Variants in CUX1 observed in about 807,000 individuals in gnomAD.
CUX1 encodes the protein protein CASP.
CUX1 carries 31 observed loss-of-function variants against 158.8 expected under a neutral mutation model. The ratio of observed to expected loss-of-function variants is 0.20; its 90% CI spans 0.15 to 0.26. The LOEUF is 0.26. Ranked by LOEUF, CUX1 falls within the 10% of genes least tolerant of loss-of-function variation. CUX1 has a pLI of 1.00. For synonymous variants in CUX1, 879 were observed against 862.1 expected, an observed-to-expected ratio of 1.02 and a Z score of -0.34; for missense variants, 1,589 against 2,014.6, an observed-to-expected ratio of 0.79 and a Z score of 4.04.
At chr7:102,186,144 A>G (rs1793597307) in intron 11 of CUX1, among the ~76,000 whole-genome samples, 1 of 152,150 alleles carries the variant, frequency 6.6e-6, no homozygotes, top group Non-Finnish European at 1.5e-5. Flanking sequence ...CACTGAGGAC[A>G]GTTAGTCTTT....
At chr7:102,074,915 A>G (rs1472286252) in intron 4 of CUX1, among the ~76,000 whole-genome samples, 6 of 152,132 alleles carry the variant, frequency 3.9e-5, no homozygotes, top group Non-Finnish European at 7.4e-5. Context: ...CTCAAGTGCA[A>G]TGGTGTGATC....
chr7:101,877,641 C>G (rs1279245280), intron 1 of CUX1, among the ~76,000 whole-genome samples: 1 of 152,082 alleles, frequency 6.6e-6, no homozygotes, highest in African/African-American at 2.4e-5. Context: ...GAGCCGAGAC[C>G]GTCCCACTGC....
chr7:101,978,656 C>T (rs779591046), intron 2 of CUX1, among the ~76,000 whole-genome samples: 2 of 152,260 alleles, frequency 1.3e-5, no homozygotes, highest in Admixed American at 6.5e-5. Context: ...TGTGACCCCA[C>T]GTCGCCCTCA....
chr7:102,225,256 T>C (rs1431977595), intron 20 of CUX1, among the ~76,000 whole-genome samples: 2 of 152,238 alleles, frequency 1.3e-5, no homozygotes, highest in Non-Finnish European at 2.9e-5. Flanking sequence ...CCTTATGCGA[T>C]GGCGGAAGTT....
intron 2 of CUX1, among the ~76,000 whole-genome samples, chr7:101,951,547 C>T (rs1377476308): frequency 6.6e-6 from 1 of 151,920 alleles, no homozygotes; most frequent in Non-Finnish European, 1.5e-5. Context: ...GCTCTGTTGC[C>T]CAGGCTGGAG....
At chr7:102,173,275 G>A (rs375032533) in intron 10 of CUX1, among the ~76,000 whole-genome samples, 1 of 152,174 alleles carries the variant, frequency 6.6e-6, no homozygotes, top group Non-Finnish European at 1.5e-5. Flanking sequence ...TAGGAGAATC[G>A]CTTGAACCTG....
chr7:101,986,055 G>T (rs1318651107), intron 2 of CUX1, among the ~76,000 whole-genome samples: 1 of 152,214 alleles, frequency 6.6e-6, no homozygotes, highest in East Asian at 1.9e-4. Flanking sequence ...CCCCAGATCT[G>T]TCTGTCAGAA....
intron 1 of CUX1, among the ~76,000 whole-genome samples, chr7:101,906,258 T>C (rs1802739206): frequency 6.6e-6 from 1 of 151,956 alleles, no homozygotes; most frequent in South Asian, 2.1e-4. Context: ...GCACCAACCC[T>C]GTGCCCAGAC....
Position 101,963,136 on chromosome 7 carries a change from C to T in CUX1, c.141+46911C>T, listed in dbSNP as rs569627331. ...ATGCCACCTCTGATGCCACTTGTCACCTTTCTCTAAACCACCCCCTTCTCT... is the reference window on the plus strand; with the variant it reads ...ATGCCACCTCTGATGCCACTTGTCATCTTTCTCTAAACCACCCCCTTCTCT... On this transcript the variant is annotated intron_variant, in intron 2 of 23. Transcript: ENST00000292535. Among the ~76,000 whole-genome samples, 205 of 152,288 alleles carry T rather than the reference C, an allele frequency of 1.3e-3. 1 individual carries two copies. Among genetic ancestry groups the T allele is most frequent in the African/African-American group, 4.7e-3 (194 of 41,560 alleles).
chr7:102,254,757 G>A lies in CUX1; in HGVS notation c.*5715G>A, dbSNP rs11771127. ...GCAGGGCTTGTGCCCTGAGTGGCGA[G>A]GTGGTGACCTGAGGCCAGTGTGATG... is the stretch of plus-strand genomic sequence containing the variant. On this transcript the variant is annotated 3_prime_UTR_variant, in exon 24 of 24. Coordinates refer to ENST00000292535, the MANE Select transcript of CUX1 (RefSeq NM_181552.4). 17 of 985,350 alleles carry A rather than the reference G, an allele frequency of 1.7e-5. No individual in the cohort carries two copies. The highest frequency in any genetic ancestry group is 2.0e-5 in the Non-Finnish European group (17 of 829,970). The allele number at this position is 985,350 out of a possible 1,614,324, so 61.0% of individuals were successfully genotyped here.
At chr7:102,114,362 A>C (rs1554491182) in intron 7 of CUX1, among the ~76,000 whole-genome samples, 1 of 152,124 alleles carries the variant, frequency 6.6e-6, no homozygotes, top group Non-Finnish European at 1.5e-5. Flanking sequence ...TGCAACCTGC[A>C]TCTCCAGGGT....
intron 8 of CUX1, chr7:102,125,801 G>A (rs569507900): frequency 6.6e-6 from 1 of 150,756 alleles, no homozygotes; most frequent in African/African-American, 2.4e-5. Flanking sequence ...GTCTCAGCCA[G>A]TCCTGCTGTT....
rs368235304 is a variant in CUX1, at chr7:102,274,251, C to G, written c.1391C>G (p.Ala464Gly). The change falls in exon 16 of 23, where the codon GCT (alanine) becomes GGT (glycine). Residue 464 changes from alanine (A) to glycine (G), a missense_variant. Physicochemically the swap from Ala to Gly is moderately conservative, Grantham distance 60. Transcript: ENST00000292538. ...GCTTCCTGTCACCTGCAGGGTGCCGCTGAGCACCGCCTGGAGAAGATCCCA... is the reference window on the plus strand; with the variant it reads ...GCTTCCTGTCACCTGCAGGGTGCCGGTGAGCACCGCCTGGAGAAGATCCCA... The G allele has an allele frequency of 1.5e-5, 25 of 1,613,356 alleles. No homozygotes were observed. In the African/African-American group the frequency reaches 3.1e-4, roughly 20 times the overall value.
downstream of CUX1, among the ~76,000 whole-genome samples, chr7:102,259,623 C>G (rs1377336822): frequency 1.3e-5 from 2 of 151,726 alleles, no homozygotes; most frequent in Non-Finnish European, 2.9e-5. Flanking sequence ...ACCCTAAGAA[C>G]TCTGCCAGTT....
intron 2 of CUX1, among the ~76,000 whole-genome samples, chr7:101,958,777 C>A (rs1014434527): frequency 6.7e-6 from 1 of 149,764 alleles, no homozygotes; most frequent in Non-Finnish European, 1.5e-5. Context: ...ACTGGCCAGT[C>A]CTGAAGTTTT....
chr7:101,984,107 T>A (rs867141193), intron 2 of CUX1, among the ~76,000 whole-genome samples: 1,397 of 37,374 alleles, frequency 0.037, 172 homozygotes, highest in Non-Finnish European at 0.068. Context: ...TATATATATA[T>A]ATATATATAT....
At chr7:101,838,552 A>G (rs1794880156) in intron 1 of CUX1, among the ~76,000 whole-genome samples, 1 of 151,160 alleles carries the variant, frequency 6.6e-6, no homozygotes, top group South Asian at 2.1e-4. Flanking sequence ...CTGTTATCCC[A>G]GCACCTTGGG....
At chr7:102,024,667 T>C (rs192336655) in intron 2 of CUX1, among the ~76,000 whole-genome samples, 133 of 152,246 alleles carry the variant, frequency 8.7e-4, no homozygotes, top group African/African-American at 3.0e-3. Context: ...ACCCTTTCCA[T>C]GTCTTTTGAG....
intron 4 of CUX1, among the ~76,000 whole-genome samples, chr7:102,090,831 C>T (rs1267746366): frequency 6.6e-6 from 1 of 152,038 alleles, no homozygotes; most frequent in Non-Finnish European, 1.5e-5. Flanking sequence ...AGTGTTAACT[C>T]TGTGTATGGC....
Sources: allele counts gnomAD v4.1 joint callset (sites outside exome capture counted in the v4.1 genomes callset), GRCh38; gene constraint gnomAD v4.1.1; transcripts MANE v1.5; gene names NCBI Gene and HGNC (gene_info 2026-07-23, HGNC 2026-07-21).